The following GNB1 variants were observed in gnomAD, a reference collection of about 807,000 sequenced individuals.
GNB1 encodes G protein subunit beta 1, also known as guanine nucleotide-binding protein G(I)/G(S)/G(T) subunit beta-1.
In GNB1, 2 loss-of-function variants were observed where a neutral mutation model predicts 42.9. The observed-to-expected ratio is 0.05, with a 90% confidence interval of 0.02 to 0.15. The LOEUF is 0.15. Ranked by LOEUF, GNB1 falls within the 10% of genes least tolerant of loss-of-function variation. The pLI is 1.00. For missense variants in GNB1, 193 were observed against 462.2 expected (o/e 0.42, Z 5.34); for synonymous variants, 183 against 174.7 (o/e 1.05, Z -0.38).
chr1:1,801,172 C>T lies in GNB1; in HGVS notation c.430+3247G>A, dbSNP rs551568685. Among the ~76,000 whole-genome samples, 6 of 152,314 alleles carry T rather than the reference C, an allele frequency of 3.9e-5. No homozygotes were observed. In the South Asian group the frequency reaches 8.3e-4, roughly 21 times the overall value. ...CCTCCTGAGCAGCTGGGACTACAAG[C>T]GCATGCCACCATGCTTGGCTAATTT... On this transcript the variant is annotated intron_variant, in intron 7 of 11. Transcript: ENST00000378609.
At chr1:1,811,022 C>T (rs1241951596) in intron 5 of GNB1, among the ~76,000 whole-genome samples, 2 of 149,132 alleles carry the variant, frequency 1.3e-5, no homozygotes, top group African/African-American at 2.5e-5. Flanking sequence ...AGTCTCCATC[C>T]GTCACCCAGG....
chr1:1,828,083 G>C (rs779928518), intron 2 of GNB1, among the ~76,000 whole-genome samples: 29 of 152,170 alleles, frequency 1.9e-4, no homozygotes, highest in Admixed American at 2.6e-4. Flanking sequence ...CACTTTGGGA[G>C]GCTGCGGACA....
chr1:1,805,364 A>C (rs1646682726), intron 6 of GNB1, among the ~76,000 whole-genome samples: 1 of 144,074 alleles, frequency 6.9e-6, no homozygotes, highest in Non-Finnish European at 1.5e-5. Context: ...AGGAGGCTGA[A>C]GCAGGAGAGT....
intron 2 of GNB1, among the ~76,000 whole-genome samples, chr1:1,833,626 T>C (rs894549803): frequency 6.6e-6 from 1 of 151,938 alleles, no homozygotes; most frequent in Non-Finnish European, 1.5e-5. Flanking sequence ...AACAGGTAAA[T>C]CACGTGGAGT....
chr1:1,883,220 C>T (rs1649951610), intron 1 of GNB1, among the ~76,000 whole-genome samples: 1 of 142,628 alleles, frequency 7.0e-6, no homozygotes, highest in South Asian at 2.2e-4. Flanking sequence ...TGCAGTGAAC[C>T]ATGATCATAC....
intron 7 of GNB1, among the ~76,000 whole-genome samples, chr1:1,796,997 A>G (rs1646555215): frequency 1.3e-5 from 2 of 152,174 alleles, no homozygotes; most frequent in South Asian, 4.1e-4. Flanking sequence ...TCCAGAGTCT[A>G]GAAAGGAGCA....
At chr1:1,848,661 C>T (rs141115596) in intron 1 of GNB1, among the ~76,000 whole-genome samples, 41 of 152,202 alleles carry the variant, frequency 2.7e-4, no homozygotes, top group African/African-American at 9.2e-4. Flanking sequence ...ATATATAAAA[C>T]ATAAAAACTG....
At chr1:1,825,663 G>A (rs986755582) in intron 2 of GNB1, 164 bp from the exon 3 acceptor site, 40 of 483,980 alleles carry the variant, frequency 8.3e-5, no homozygotes, top group African/African-American at 7.9e-4. Flanking sequence ...AGGAGATCGA[G>A]ACCATCCTGG....
chr1:1,826,554 C>T (rs1409193837), intron 2 of GNB1, among the ~76,000 whole-genome samples: 1 of 152,118 alleles, frequency 6.6e-6, no homozygotes, highest in Admixed American at 6.6e-5. Context: ...AACCATGAAC[C>T]GCTACTGGTC....
rs1347702644 is a variant in GNB1, at chr1:1,788,960, T to C, written c.916+93A>G. The C allele has an allele frequency of 6.5e-6, 6 of 922,460 alleles. No homozygotes were observed. The Admixed American group carries it at 1.2e-4, about 18-fold the overall frequency. 57.1% of individuals were successfully genotyped at this position (922,460 alleles called of 1,614,324 possible). On this transcript the variant is annotated intron_variant, in intron 10 of 11. Coordinates refer to ENST00000378609, the MANE Select transcript of GNB1 (RefSeq NM_002074.5). ...CGCCATGCCACAGTCCCACCGATAC[T>C]AAAACACTGCAGCTTATGCAACCAC...
intron 1 of GNB1, among the ~76,000 whole-genome samples, chr1:1,863,408 A>G (rs1405150937): frequency 6.6e-6 from 1 of 152,250 alleles, no homozygotes; most frequent in Non-Finnish European, 1.5e-5. Flanking sequence ...ACCAATTCAG[A>G]AAAGCACTGC....
At chr1:1,856,630 G>C (rs916283696) in intron 1 of GNB1, among the ~76,000 whole-genome samples, 1 of 151,860 alleles carries the variant, frequency 6.6e-6, no homozygotes, top group African/African-American at 2.4e-5. Context: ...GTTTCACCAT[G>C]TTGGCCAGGA....
intron 1 of GNB1, among the ~76,000 whole-genome samples, chr1:1,856,931 C>A (rs1304065505): frequency 6.6e-6 from 1 of 152,212 alleles, no homozygotes; most frequent in Non-Finnish European, 1.5e-5. Context: ...TCCTACAAAA[C>A]AGTAATACCG....
chr1:1,875,800 G>A (rs1649511279), intron 1 of GNB1, among the ~76,000 whole-genome samples: 2 of 151,342 alleles, frequency 1.3e-5, no homozygotes. Flanking sequence ...AAGGGGCGAA[G>A]GATGAAGCTC....
intron 7 of GNB1, among the ~76,000 whole-genome samples, chr1:1,803,566 GCCA>G (rs1487083795): frequency 6.6e-6 from 1 of 152,204 alleles, no homozygotes; most frequent in Non-Finnish European, 1.5e-5. Context: ...ACAGGCATGA[GCCA>G]CCATGTCCAG....
At chr1:1,801,310 G>T (rs1359050025) in intron 7 of GNB1, among the ~76,000 whole-genome samples, 6 of 152,226 alleles carry the variant, frequency 3.9e-5, no homozygotes, top group Non-Finnish European at 8.8e-5. Context: ...TTACAGGCGT[G>T]AGCCAACCAT....
chr1:1,836,243 G>C (rs944547524), intron 2 of GNB1, among the ~76,000 whole-genome samples: 1 of 152,088 alleles, frequency 6.6e-6, no homozygotes, highest in Admixed American at 6.6e-5. Context: ...CATTCTAATG[G>C]GGGCGTGGGC....
At chr1:1,836,909 A>C (rs1647158958) in intron 2 of GNB1, among the ~76,000 whole-genome samples, 1 of 135,406 alleles carries the variant, frequency 7.4e-6, no homozygotes, top group South Asian at 2.3e-4. Context: ...ATTGCCCAGG[A>C]TGGTATCGAA....
chr1:1,789,396 A>G, intron 9 of GNB1, 127 bp from the exon 10 acceptor site: 1 of 652,342 alleles, frequency 1.5e-6, no homozygotes, highest in Non-Finnish European at 2.8e-6. Context: ...GTGCTCTGGT[A>G]AGAACAGAGG....
Sources: allele counts gnomAD v4.1 joint callset (sites outside exome capture counted in the v4.1 genomes callset), GRCh38; gene constraint gnomAD v4.1.1; transcripts MANE v1.5; gene names NCBI Gene and HGNC (gene_info 2026-07-23, HGNC 2026-07-21).